OSBPL9: variants seen among roughly 807,000 people sequenced by gnomAD.
OSBPL9 encodes the protein oxysterol-binding protein-related protein 9.
In OSBPL9, 40 loss-of-function variants were observed where a neutral mutation model predicts 106.6. The observed-to-expected ratio is 0.38, with a 90% CI of 0.29 to 0.49. OSBPL9 has a LOEUF of 0.49. OSBPL9 is among the 20% of genes least tolerant of loss of function. The pLI, the probability that OSBPL9 is intolerant of heterozygous loss-of-function variation, is 0.97. For missense variants in OSBPL9, 609 were observed against 887.2 expected, an observed-to-expected ratio of 0.69 and a Z score of 3.98; for synonymous variants, 269 against 295.4, an observed-to-expected ratio of 0.91 and a Z score of 0.92.
At chr1:51,617,026 G>GC, upstream of OSBPL9, 1 of 636,766 alleles carries the variant, frequency 1.6e-6, no homozygotes, top group Non-Finnish European at 2.1e-6. Context: ...GACCCGCCCC[G>GC]CCCCCTGCGG....
intron 1 of OSBPL9, among the ~76,000 whole-genome samples, chr1:51,588,758 G>C (rs1396895557): frequency 6.6e-6 from 1 of 152,224 alleles, no homozygotes; most frequent in East Asian, 1.9e-4. Flanking sequence ...TAACCAGGAA[G>C]GGTTTGCCTT....
At chr1:51,633,494 A>C (rs1230370606) in intron 1 of OSBPL9, among the ~76,000 whole-genome samples, 2 of 151,746 alleles carry the variant, frequency 1.3e-5, no homozygotes, top group African/African-American at 2.4e-5. Context: ...AATGGGTGCG[A>C]GGTAGAAGGA....
intron 3 of OSBPL9, among the ~76,000 whole-genome samples, chr1:51,688,518 G>C (rs992493848): frequency 1.3e-5 from 2 of 152,168 alleles, no homozygotes; most frequent in African/African-American, 4.8e-5. Flanking sequence ...TTGGGAGGCT[G>C]AGGTGGGAGG....
chr1:51,685,742 C>T (rs1016617306), intron 3 of OSBPL9, among the ~76,000 whole-genome samples: 1 of 152,206 alleles, frequency 6.6e-6, no homozygotes, highest in Non-Finnish European at 1.5e-5. Flanking sequence ...CCATTAACCT[C>T]TTACAAAAGA....
chr1:51,623,470 C>T (rs1238374714), intron 1 of OSBPL9, among the ~76,000 whole-genome samples: 1 of 152,152 alleles, frequency 6.6e-6, no homozygotes, highest in African/African-American at 2.4e-5. Flanking sequence ...TCATTACCCA[C>T]AAATGTTTAA....
chr1:51,627,722 TG>T (rs1180707823), intron 1 of OSBPL9, among the ~76,000 whole-genome samples: 2 of 146,958 alleles, frequency 1.4e-5, no homozygotes, highest in African/African-American at 2.6e-5. Context: ...CTCCTAATTC[TG>T]TTTTTTTTTT....
the OSBPL9 span, among the ~76,000 whole-genome samples, chr1:51,518,853 TC>T: frequency 6.6e-6 from 1 of 151,618 alleles, no homozygotes; most frequent in African/African-American, 2.4e-5. Flanking sequence ...GGAGGAAACT[TC>T]CTGGGTAGGT....
At position 51,746,744 on chromosome 1, in the gene OSBPL9, AT is replaced by A; in HGVS notation, c.450del (p.Asp150GlufsTer18). ...GACAAGCTTCAAAACTGCAAAGAAGATGAACAGAGAAAGGTAACTTCCATAA... is the reference window on the plus strand; with the variant it reads ...GACAAGCTTCAAAACTGCAAAGAAGAGAACAGAGAAAGGTAACTTCCATAA... ...FDDKLQNCKE[D>X]EQRKKIETLK... On this transcript the variant is annotated frameshift_variant, in exon 6 of 24. Coordinates refer to ENST00000428468, the MANE Select transcript of OSBPL9 (RefSeq NM_024586.6). LOFTEE classifies it high-confidence loss of function. 6.2e-7 allele frequency: 1 copy of A among 1,607,776 alleles called. No homozygotes were observed. The highest frequency in any genetic ancestry group is 8.5e-7 in the Non-Finnish European group (1 of 1,177,842).
chr1:51,690,334 AC>A (rs1654694010), intron 3 of OSBPL9, among the ~76,000 whole-genome samples: 1 of 152,240 alleles, frequency 6.6e-6, no homozygotes, highest in African/African-American at 2.4e-5. Context: ...TGAGTGAATC[AC>A]TGATACCTGG....
intron 3 of OSBPL9, among the ~76,000 whole-genome samples, chr1:51,710,921 G>T (rs1463424846): frequency 6.6e-6 from 1 of 152,130 alleles, no homozygotes; most frequent in Non-Finnish European, 1.5e-5. Flanking sequence ...AAAATTCTCA[G>T]CCGGACAGTG....
At position 51,748,948 on chromosome 1, in the gene OSBPL9, G is replaced by C. The variant is rs565855153; in HGVS notation, c.492+550G>C. ...TAAAAATACAAAATTATCCAGGCGT[G>C]GTGGCTTATGCCTGTAATCCTAGCT... On this transcript the variant is annotated intron_variant, in intron 7 of 23. Coordinates refer to ENST00000428468, the MANE Select transcript of OSBPL9 (RefSeq NM_024586.6). Among the ~76,000 whole-genome samples the C allele has an allele frequency of 2.6e-5, 4 of 152,216 alleles. No homozygotes were observed. The East Asian group carries it at 5.8e-4, about 22-fold the overall frequency.
intron 3 of OSBPL9, among the ~76,000 whole-genome samples, chr1:51,712,459 A>G (rs1033386022): frequency 2.6e-5 from 4 of 151,952 alleles, no homozygotes; most frequent in African/African-American, 7.3e-5. Context: ...TATATTTTCT[A>G]TCTCTTTGAC....
At chr1:51,768,785 C>T (rs1394195660) in intron 12 of OSBPL9, among the ~76,000 whole-genome samples, 1 of 152,188 alleles carries the variant, frequency 6.6e-6, no homozygotes, top group Admixed American at 6.5e-5. Flanking sequence ...TCATGGGCTT[C>T]TTCTATTCCT....
At chr1:51,569,023 A>G in the OSBPL9 span, among the ~76,000 whole-genome samples, 1 of 152,170 alleles carries the variant, frequency 6.6e-6, no homozygotes, top group African/African-American at 2.4e-5. Flanking sequence ...CCCAGCCTTA[A>G]CTTAATTTTC....
At chr1:51,536,356 G>C in the OSBPL9 span, among the ~76,000 whole-genome samples, 219 of 152,130 alleles carry the variant, frequency 1.4e-3, 2 homozygotes, top group Middle Eastern at 3.4e-3. Context: ...ACCCAGGCTG[G>C]AGGGCAGTGG....
chr1:51,540,180 G>A, the OSBPL9 span, among the ~76,000 whole-genome samples: 1 of 152,062 alleles, frequency 6.6e-6, no homozygotes, highest in South Asian at 2.1e-4. Context: ...TCTGTCCAGA[G>A]AGACTCTCCC....
chr1:51,636,830 C>T (rs993043294), intron 1 of OSBPL9, among the ~76,000 whole-genome samples: 8 of 151,914 alleles, frequency 5.3e-5, no homozygotes, highest in Non-Finnish European at 1.2e-4. Context: ...TTGTCATTTC[C>T]AAAACACATC....
chr1:51,760,462 C>T, intron 9 of OSBPL9: 1 of 495,412 alleles, frequency 2.0e-6, no homozygotes, highest in Non-Finnish European at 3.2e-6. Flanking sequence ...TTCCATTTAG[C>T]TTTACCTTCT....
intron 4 of OSBPL9, among the ~76,000 whole-genome samples, chr1:51,733,389 G>T (rs1000153724): frequency 6.6e-6 from 1 of 152,132 alleles, no homozygotes; most frequent in Non-Finnish European, 1.5e-5. Flanking sequence ...TTTTCCCTGT[G>T]AGTTAAAAAT....
Sources: gnomAD v4.1 joint callset for allele counts (sites outside exome capture counted in the v4.1 genomes callset) on GRCh38, gnomAD v4.1.1 for gene constraint, MANE v1.5 for transcripts, NCBI Gene and HGNC (gene_info 2026-07-23, HGNC 2026-07-21) for gene names.